Variants in ROBO2 observed in about 807,000 individuals in gnomAD.
ROBO2 encodes roundabout guidance receptor 2.
Under a neutral mutation model 160.8 loss-of-function variants are expected in ROBO2, and 53 were observed. The ratio of observed to expected loss-of-function variants is 0.33; its 90% confidence interval spans 0.26 to 0.41. ROBO2 has a LOEUF of 0.41. Among genes scored for constraint, ROBO2 ranks in the 10% least tolerant of loss-of-function variants. The probability of loss-of-function intolerance (pLI) is 1.00; values close to 1 mark genes in which losing one functional copy is unlikely to be tolerated. For missense variants in ROBO2, 1,577 were observed against 1,722.4 expected (o/e 0.92, Z 1.49); for synonymous variants, 664 against 611.7 (o/e 1.09, Z -1.26).
intron 2 of ROBO2, among the ~76,000 whole-genome samples, chr3:75,976,647 A>G (rs1436947587): frequency 6.6e-6 from 1 of 151,610 alleles, no homozygotes. Flanking sequence ...TCAATTTTTC[A>G]TTGTCACAAA....
At chr3:76,380,345 G>A (rs1203636247) in intron 2 of ROBO2, among the ~76,000 whole-genome samples, 1 of 152,052 alleles carries the variant, frequency 6.6e-6, no homozygotes, top group African/African-American at 2.4e-5. Flanking sequence ...TACTATAAAA[G>A]ATGAATAGAG....
intron 16 of ROBO2, among the ~76,000 whole-genome samples, chr3:77,587,711 T>C (rs536276501): frequency 1.3e-5 from 2 of 152,238 alleles, no homozygotes; most frequent in East Asian, 3.9e-4. Flanking sequence ...CTTTTTAACA[T>C]ATTACAGTGC....
intron 2 of ROBO2, among the ~76,000 whole-genome samples, chr3:77,204,051 G>C (rs1402878368): frequency 6.6e-6 from 1 of 152,172 alleles, no homozygotes; most frequent in Non-Finnish European, 1.5e-5. Flanking sequence ...TTACAGAGGA[G>C]ATAAATGTGC....
intron 2 of ROBO2, among the ~76,000 whole-genome samples, chr3:77,377,873 G>C (rs919584083): frequency 2.6e-5 from 4 of 152,194 alleles, no homozygotes; most frequent in African/African-American, 9.7e-5. Flanking sequence ...TAGTTCTTCA[G>C]CCTGGCGGCC....
chr3:76,082,227 C>T (rs1183898796), intron 2 of ROBO2, among the ~76,000 whole-genome samples: 2 of 152,084 alleles, frequency 1.3e-5, no homozygotes, highest in Admixed American at 6.6e-5. Flanking sequence ...CTGTTACTAC[C>T]AGAAATTAGG....
At chr3:76,825,535 G>A (rs1332056258) in intron 2 of ROBO2, among the ~76,000 whole-genome samples, 12 of 123,778 alleles carry the variant, frequency 9.7e-5, no homozygotes, top group Non-Finnish European at 4.7e-5. Context: ...AAGTAACTAC[G>A]AAGAAAAATG....
chr3:77,126,567 A>C (rs2075328729), intron 2 of ROBO2, among the ~76,000 whole-genome samples: 1 of 152,082 alleles, frequency 6.6e-6, no homozygotes, highest in Non-Finnish European at 1.5e-5. Context: ...CCAGTTCATG[A>C]TAAATTATTC....
intron 2 of ROBO2, among the ~76,000 whole-genome samples, chr3:77,447,929 T>G (rs147234703): frequency 6.6e-6 from 1 of 152,268 alleles, no homozygotes; most frequent in African/African-American, 2.4e-5. Flanking sequence ...CTGTTGAATA[T>G]AAACTCTTGC....
intron 9 of ROBO2, among the ~76,000 whole-genome samples, chr3:77,559,248 C>A (rs2093238703): frequency 6.6e-6 from 1 of 152,056 alleles, no homozygotes; most frequent in African/African-American, 2.4e-5. Context: ...AGAAGGGAAC[C>A]AACAGGTCCC....
chr3:76,524,674 AC>A (rs2107944650), intron 2 of ROBO2, among the ~76,000 whole-genome samples: 1 of 151,490 alleles, frequency 6.6e-6, no homozygotes, highest in South Asian at 2.1e-4. Flanking sequence ...ATCCATTAAA[AC>A]AATGTATGTA....
intron 16 of ROBO2, among the ~76,000 whole-genome samples, chr3:77,585,632 C>A (rs986512113): frequency 6.6e-6 from 1 of 152,014 alleles, no homozygotes; most frequent in Non-Finnish European, 1.5e-5. Context: ...TACACACACA[C>A]ACACAAATCA....
chr3:77,610,315 T>C (rs1030424037), intron 21 of ROBO2, among the ~76,000 whole-genome samples: 1 of 152,106 alleles, frequency 6.6e-6, no homozygotes, highest in Admixed American at 6.6e-5. Context: ...AAACTTCAGA[T>C]ACTTTTTTGC....
chr3:76,972,216 T>TA (rs2059605410), intron 2 of ROBO2, among the ~76,000 whole-genome samples: 1 of 152,212 alleles, frequency 6.6e-6, no homozygotes. Flanking sequence ...AAAAAAATCT[T>TA]ACTGCTTGTT....
At chr3:76,242,234 T>C (rs1202277506) in intron 2 of ROBO2, among the ~76,000 whole-genome samples, 1 of 152,024 alleles carries the variant, frequency 6.6e-6, no homozygotes, top group African/African-American at 2.4e-5. Context: ...AGTTACATTA[T>C]GGATCTGTGC....
chr3:76,608,559 C>T (rs1441638310), intron 2 of ROBO2, among the ~76,000 whole-genome samples: 1 of 152,128 alleles, frequency 6.6e-6, no homozygotes, highest in African/African-American at 2.4e-5. Context: ...CTTTGCTGTG[C>T]AGAAGACCTT....
chr3:76,042,642 C>T (rs985975289), intron 2 of ROBO2, among the ~76,000 whole-genome samples: 7 of 151,958 alleles, frequency 4.6e-5, no homozygotes, highest in East Asian at 1.9e-4. Flanking sequence ...ACAGGCAGCC[C>T]GGTGCCAGGC....
intron 2 of ROBO2, among the ~76,000 whole-genome samples, chr3:77,238,764 C>T (rs553778065): frequency 6.6e-6 from 1 of 152,070 alleles, no homozygotes; most frequent in Non-Finnish European, 1.5e-5. Flanking sequence ...AACAGACCAC[C>T]TTGGTCCTCT....
chr3:77,187,298 G>A lies in ROBO2; in HGVS notation c.388+88958G>A, dbSNP rs567170567. 1.9e-4 allele frequency among the ~76,000 whole-genome samples: 29 copies of A among 151,942 alleles called. No individual in the cohort carries two copies. In the East Asian group the frequency reaches 5.6e-3, roughly 29 times the overall value. ...GTGCAAACTATTAATAACACATTCA[G>A]GTTAAAATGAAATATACCTAAGATT... On this transcript the variant is annotated intron_variant, in intron 2 of 25. Coordinates refer to ENST00000461745, the Ensembl canonical transcript of ROBO2.
chr3:76,453,700 T>C (rs2077597026), intron 2 of ROBO2, among the ~76,000 whole-genome samples: 1 of 152,166 alleles, frequency 6.6e-6, no homozygotes, highest in African/African-American at 2.4e-5. Flanking sequence ...TAATGTGACC[T>C]GCCAAACATG....
Sources: allele counts gnomAD v4.1 joint callset (sites outside exome capture counted in the v4.1 genomes callset), GRCh38; gene constraint gnomAD v4.1.1; transcripts MANE v1.5; gene names NCBI Gene and HGNC (gene_info 2026-07-23, HGNC 2026-07-21).